AFF2: variants seen among roughly 807,000 people sequenced by gnomAD.
The protein encoded by AFF2 is ALF transcription elongation factor 2.
A neutral mutation model predicts 76.9 loss-of-function variants in AFF2; 14 were observed. The observed-to-expected ratio is 0.18, with a 90% CI of 0.12 to 0.28. The LOEUF is 0.28. Ranked by LOEUF, AFF2 falls within the 10% of genes least tolerant of loss-of-function variation. The probability of loss-of-function intolerance (pLI) is 1.00; values close to 1 mark genes in which losing one functional copy is unlikely to be tolerated. For missense variants in AFF2, 868 were observed against 1,001.1 expected (o/e 0.87, Z 1.79); for synonymous variants, 398 against 366.7 (o/e 1.09, Z -0.98).
intron 19 of AFF2, among the ~76,000 whole-genome samples, chrX:148,982,148 T>A (rs1363034054): frequency 3.6e-5 from 4 of 111,779 alleles, no homozygotes; most frequent in African/African-American, 1.3e-4. Context: ...TTAAAAAAAA[T>A]TCTGAAACGC....
At chrX:148,923,382 T>C (rs1307074623) in intron 9 of AFF2, among the ~76,000 whole-genome samples, 2 of 111,832 alleles carry the variant, frequency 1.8e-5, no homozygotes, top group Non-Finnish European at 3.8e-5. Context: ...TTGAACCTCA[T>C]ATGCTTGGGA....
At chrX:148,599,903 A>G (rs2053610316) in intron 1 of AFF2, among the ~76,000 whole-genome samples, 1 of 111,725 alleles carries the variant, frequency 9.0e-6, no homozygotes, top group African/African-American at 3.3e-5. Context: ...ATCTAAGTGC[A>G]TGTATGTGTA....
intron 9 of AFF2, among the ~76,000 whole-genome samples, chrX:148,951,181 GCACACA>G (rs368970397): frequency 1.9e-5 from 2 of 106,490 alleles, no homozygotes; most frequent in Non-Finnish European, 3.9e-5. Flanking sequence ...ACACACACAC[GCACACA>G]CACACACACA....
intron 7 of AFF2, among the ~76,000 whole-genome samples, chrX:148,876,468 C>A (rs1944772590): frequency 9.0e-6 from 1 of 111,699 alleles, no homozygotes; most frequent in Admixed American, 9.5e-5. Context: ...TGCCCTTGGA[C>A]CCAACATGTT....
Position 148,955,705 on chromosome X carries a change from G to A in AFF2, c.1660G>A (p.Glu554Lys), listed in dbSNP as rs2072025431. The A allele has an allele frequency of 1.7e-6, 2 of 1,211,620 alleles. No individual in the cohort carries two copies. Among genetic ancestry groups the A allele is most frequent in the Non-Finnish European group, 2.2e-6 (2 of 895,462 alleles). ...TTGTGGCCAAAATGAAACACCCATG[G>A]AGACTATTTCTCTGCCTCCTCCAAT... ...FICGQNETPM[E>K]TISLPPPIIQ... Residue 554 changes from glutamate to lysine, a missense_variant, in exon 11 of 21, where the codon GAG (glutamate) becomes AAG (lysine). Glu to Lys is a moderately conservative substitution (Grantham distance 56). Transcript: ENST00000370460.
At chrX:148,965,102 C>T (rs2072155813) in intron 13 of AFF2, among the ~76,000 whole-genome samples, 1 of 111,886 alleles carries the variant, frequency 8.9e-6, no homozygotes, top group South Asian at 3.8e-4. Context: ...ATGCTAGGAA[C>T]TTTGTTCAGG....
chrX:148,869,685 T>A (rs1557277160), intron 7 of AFF2, among the ~76,000 whole-genome samples: 1 of 111,914 alleles, frequency 8.9e-6, no homozygotes, highest in East Asian at 2.8e-4. Flanking sequence ...TATAACAGAG[T>A]ACCACAAGTT....
chrX:148,595,623 AT>A (rs1557247208), intron 1 of AFF2, among the ~76,000 whole-genome samples: 1 of 112,570 alleles, frequency 8.9e-6, no homozygotes, highest in Non-Finnish European at 1.9e-5. Flanking sequence ...AGTCATGATG[AT>A]TGACTCCAAA....
intron 9 of AFF2, among the ~76,000 whole-genome samples, chrX:148,935,123 TCAAC>T (rs1311900996): frequency 1.7e-4 from 19 of 109,390 alleles, no homozygotes; most frequent in Non-Finnish European, 1.3e-4. Flanking sequence ...CATTAAGAAC[TCAAC>T]AAACAAAGTT....
intron 1 of AFF2, among the ~76,000 whole-genome samples, chrX:148,501,558 G>A (rs1278778853): frequency 1.8e-5 from 2 of 113,322 alleles, no homozygotes; most frequent in Non-Finnish European, 3.7e-5. Context: ...GCGGGCCATG[G>A]GGGAAAGGCA....
Position 148,994,710 on chromosome X carries a change from A to G in AFF2, c.*3378A>G, listed in dbSNP as rs2072574050. 8.9e-6 allele frequency: 1 copy of G among 112,390 alleles called. No individual in the cohort carries two copies. The highest frequency in any genetic ancestry group is 3.2e-5 in the African/African-American group (1 of 30,936). The allele number at this position is 112,390 out of a possible 1,213,427, so 9.3% of individuals were successfully genotyped here. ...ATTCATTAGATTTTGTCTGCATTGG[A>G]AAGATACTCTTCTAGCATATCTTTC... On this transcript the variant is annotated 3_prime_UTR_variant, in exon 21 of 21. Transcript: ENST00000370460.
In AFF2 at chrX:148,514,700, C is replaced by T. The variant is rs146722225; in HGVS notation, c.47+13556C>T. Among the ~76,000 whole-genome samples, 20 of 112,184 alleles carry T rather than the reference C, an allele frequency of 1.8e-4. No individual in the cohort carries two copies. The East Asian group carries it at 5.6e-3, about 31-fold the overall frequency. The stretch of plus-strand genomic sequence containing the variant: ...TTCTAAATACACAACCCTCAGTTCT[C>T]TATCACCTACCCTCCTCTTTCACTA... On this transcript the variant is annotated intron_variant, in intron 1 of 20. Coordinates refer to ENST00000370460, the MANE Select transcript of AFF2 (RefSeq NM_002025.4).
chrX:148,989,147 C>T (rs1201689787), intron 20 of AFF2, among the ~76,000 whole-genome samples: 2 of 112,426 alleles, frequency 1.8e-5, no homozygotes, highest in South Asian at 3.7e-4. Flanking sequence ...CAACCAGACT[C>T]ATCCAGGGGT....
rs531217469 is a variant in AFF2, at chrX:148,956,543, C to T, written c.2498C>T (p.Thr833Ile). The T allele has an allele frequency of 8.3e-7, 1 of 1,210,488 alleles. No individual in the cohort carries two copies. Among genetic ancestry groups the T allele is most frequent in the East Asian group, 3.0e-5 (1 of 33,734 alleles). The change falls in exon 11 of 21, where the codon ACA (threonine) becomes ATA (isoleucine). Residue 833 changes from threonine (T) to isoleucine (I), a missense_variant. Transcript: ENST00000370460. Reference protein sequence around the residue: ...PAKPDHKETATKPKRQTAVTA... With the variant: ...PAKPDHKETAIKPKRQTAVTA... ...AAGCCAGACCACAAGGAGACTGCCA[C>T]AAAACCCAAGCGTCAGACAGCTGTC... is the stretch of plus-strand genomic sequence containing the variant.
chrX:148,861,783 G>A (rs1557276433), intron 7 of AFF2, among the ~76,000 whole-genome samples: 1 of 111,255 alleles, frequency 9.0e-6, no homozygotes, highest in Non-Finnish European at 1.9e-5. Flanking sequence ...TACTCCAGTT[G>A]CCCCGCCACA....
rs781982658 is a variant in AFF2 at position 148,918,224 on chromosome X, G to A, written c.1397+13966G>A. Among the ~76,000 whole-genome samples, 3 of 112,342 alleles carry A rather than the reference G, an allele frequency of 2.7e-5. No individual in the cohort carries two copies. The South Asian group carries it at 1.1e-3, about 42-fold the overall frequency. On this transcript the variant is annotated intron_variant, in intron 9 of 20. Coordinates refer to ENST00000370460, the MANE Select transcript of AFF2 (RefSeq NM_002025.4). ...GGGTAGAATAACTAGACATATCAGGGAATTTACTTTAAATTGTTTTCAAGA... is the reference window on the plus strand; with the variant it reads ...GGGTAGAATAACTAGACATATCAGGAAATTTACTTTAAATTGTTTTCAAGA...
intron 1 of AFF2, among the ~76,000 whole-genome samples, chrX:148,615,731 T>A (rs1557250238): frequency 9.0e-6 from 1 of 111,642 alleles, no homozygotes; most frequent in East Asian, 2.8e-4. Context: ...GACATTCTTG[T>A]GTTAATTTCT....
At chrX:148,809,995 C>A (rs781912037) in intron 4 of AFF2, 75 bp downstream of exon 4, 2 of 1,011,171 alleles carry the variant, frequency 2.0e-6, no homozygotes, top group African/African-American at 1.9e-5. Context: ...AAAGTAATTA[C>A]TGTTCTGTTT....
intron 1 of AFF2, among the ~76,000 whole-genome samples, chrX:148,636,403 G>C (rs1557253820): frequency 8.9e-6 from 1 of 112,226 alleles, no homozygotes; most frequent in African/African-American, 3.2e-5. Context: ...ACTAATCATA[G>C]TAAATTGTTC....
Sources: allele counts gnomAD v4.1 joint callset (sites outside exome capture counted in the v4.1 genomes callset), GRCh38; gene constraint gnomAD v4.1.1; transcripts MANE v1.5; gene names NCBI Gene and HGNC (gene_info 2026-07-23, HGNC 2026-07-21).